Variants in CGGBP1 observed in about 807,000 individuals in gnomAD.
CGGBP1 encodes the protein CGG triplet repeat binding protein 1.
CGGBP1 carries 4 observed loss-of-function variants against 11.4 expected under a neutral mutation model. The ratio of observed to expected loss-of-function variants is 0.35; its 90% CI spans 0.17 to 0.80. CGGBP1 has a LOEUF of 0.80. Among genes scored for constraint, CGGBP1 ranks in the 30% least tolerant of loss-of-function variants. The pLI is 0.52. For missense variants in CGGBP1, 135 were observed against 202.1 expected (o/e 0.67, Z 2.01); for synonymous variants, 76 against 74.1 (o/e 1.03, Z -0.13).
rs1706518123 is a variant in CGGBP1 at position 88,055,383 on chromosome 3, A to C, written c.*90T>G. ...AACTATTCTGCGTCACATGATTTTA[A>C]ATGAAATAAATACAAAAATGAACCA... On this transcript the variant is annotated 3_prime_UTR_variant, in exon 4 of 4. Transcript: ENST00000482016. The surrounding 1 kb of genome is among the most constrained non-coding windows in gnomAD (Gnocchi z 4.2). 7.9e-7 allele frequency: 1 copy of C among 1,265,174 alleles called. No homozygotes were observed. Among genetic ancestry groups the C allele is most frequent in the East Asian group, 2.4e-5 (1 of 42,214 alleles). The allele number at this position is 1,265,174 out of a possible 1,614,324, so 78.4% of individuals were successfully genotyped here. A position where few individuals can be genotyped will look rare whatever the true frequency, so the allele number is the denominator to read the frequency against.
At chr3:88,127,704 G>A (rs1460373734) in intron 2 of CGGBP1, among the ~76,000 whole-genome samples, 2 of 152,128 alleles carry the variant, frequency 1.3e-5, no homozygotes, top group Non-Finnish European at 2.9e-5. Flanking sequence ...CCTGTTGTTC[G>A]TTCGTCTGAG....
intron 2 of CGGBP1, among the ~76,000 whole-genome samples, chr3:88,064,109 C>CTTTTTTTTTTT (rs34753092): frequency 6.8e-6 from 1 of 147,904 alleles, no homozygotes. Flanking sequence ...CGAGCTTCTT[C>CTTTTTTTTTTT]TTTTTTTTTT....
chr3:88,086,963 T>C (rs766681717), intron 2 of CGGBP1, among the ~76,000 whole-genome samples: 9 of 152,136 alleles, frequency 5.9e-5, no homozygotes, highest in Non-Finnish European at 1.3e-4. Context: ...TTTGTATTTT[T>C]AGTAGAGATG....
chr3:88,078,016 C>G (rs1707904058), intron 2 of CGGBP1, among the ~76,000 whole-genome samples: 1 of 152,026 alleles, frequency 6.6e-6, no homozygotes. Flanking sequence ...TGTGAAATTT[C>G]TTTGTATTTA....
At chr3:88,149,843 A>G in exon 1 of CGGBP1, 4 of 592,882 alleles carry the variant, frequency 6.7e-6, no homozygotes, top group Non-Finnish European at 1.2e-5. Flanking sequence ...GTGGGACTTC[A>G]CTCCGTCCCC....
At chr3:88,073,888 A>G (rs1707650264) in intron 2 of CGGBP1, among the ~76,000 whole-genome samples, 1 of 152,226 alleles carries the variant, frequency 6.6e-6, no homozygotes, top group Non-Finnish European at 1.5e-5. Context: ...TAAAACTCAT[A>G]ATTTATTTTC....
At chr3:88,133,578 C>G (rs1313919923) in intron 2 of CGGBP1, among the ~76,000 whole-genome samples, 1 of 147,832 alleles carries the variant, frequency 6.8e-6, no homozygotes, top group Non-Finnish European at 1.5e-5. Flanking sequence ...GAATGAAGTA[C>G]TTTCCAAATA....
At chr3:88,112,198 CTT>C (rs1226109890) in intron 2 of CGGBP1, among the ~76,000 whole-genome samples, 1 of 151,344 alleles carries the variant, frequency 6.6e-6, no homozygotes, top group Non-Finnish European at 1.5e-5. Flanking sequence ...ATATTTAGGT[CTT>C]ATATAATTTT....
In CGGBP1 at chr3:88,055,353, T is replaced by C; in HGVS notation, c.*120A>G. ...TTTTTGCCTGCAACTATATACACAT[T>C]GCAAAACTATTCTGCGTCACATGAT... On this transcript the variant is annotated 3_prime_UTR_variant, in exon 4 of 4. Coordinates refer to ENST00000482016, the MANE Select transcript of CGGBP1 (RefSeq NM_001008390.2). The surrounding 1 kb of genome is among the most constrained non-coding windows in gnomAD (Gnocchi z 4.2). 2 of 1,043,186 alleles carry C rather than the reference T, an allele frequency of 1.9e-6. No individual in the cohort carries two copies. Among genetic ancestry groups the C allele is most frequent in the Non-Finnish European group, 2.7e-6 (2 of 740,760 alleles). 64.6% of individuals were successfully genotyped at this position (1,043,186 alleles called of 1,614,324 possible). A position where few individuals can be genotyped will look rare whatever the true frequency, so the allele number is the denominator to read the frequency against.
intron 1 of CGGBP1, among the ~76,000 whole-genome samples, chr3:88,149,151 T>C (rs968941870): frequency 2.0e-5 from 3 of 152,186 alleles, no homozygotes; most frequent in Non-Finnish European, 4.4e-5. Flanking sequence ...ACCATGCCAA[T>C]AGTAATAACA....
chr3:88,125,373 C>T (rs1268448104), intron 2 of CGGBP1, among the ~76,000 whole-genome samples: 2 of 152,028 alleles, frequency 1.3e-5, no homozygotes, highest in African/African-American at 2.4e-5. Flanking sequence ...AAACTTGTTA[C>T]AAATTTCATG....
chr3:88,113,229 T>A, intron 2 of CGGBP1: 1 of 1,383,632 alleles, frequency 7.2e-7, no homozygotes, highest in Non-Finnish European at 9.9e-7. Context: ...ACACTTTGTC[T>A]ACACTTAAAA....
intron 2 of CGGBP1, among the ~76,000 whole-genome samples, chr3:88,077,184 AGGG>A (rs1434906038): frequency 2.0e-5 from 3 of 152,158 alleles, no homozygotes; most frequent in African/African-American, 7.2e-5. Context: ...GAATCAGAAT[AGGG>A]GAGGAGGATT....
intron 2 of CGGBP1, 21 bp from the exon 3 acceptor site, chr3:88,057,313 T>G (rs1374844970): frequency 6.8e-6 from 1 of 147,802 alleles, no homozygotes; most frequent in Non-Finnish European, 1.5e-5. Context: ...CGATAAAGTC[T>G]AGGTTTTAAT....
At chr3:88,142,296 C>CA (rs77096741) in intron 1 of CGGBP1, 93 of 151,118 alleles carry the variant, frequency 6.2e-4, no homozygotes, top group African/African-American at 2.0e-3. Context: ...AAAAACAAAA[C>CA]AAAAAAAACC....
upstream of CGGBP1, among the ~76,000 whole-genome samples, chr3:88,063,182 TC>T (rs1437272880): frequency 6.6e-6 from 1 of 152,128 alleles, no homozygotes; most frequent in Admixed American, 6.5e-5. Flanking sequence ...CTACTGAACA[TC>T]CTGCAGTGCA....
intron 1 of CGGBP1, among the ~76,000 whole-genome samples, chr3:88,148,728 C>G (rs1707353401): frequency 1.3e-5 from 2 of 152,278 alleles, no homozygotes; most frequent in African/African-American, 4.8e-5. Context: ...ATAACCTCTG[C>G]CTCCAGAGTT....
intron 2 of CGGBP1, among the ~76,000 whole-genome samples, chr3:88,085,469 G>A (rs376631250): frequency 3.9e-5 from 6 of 151,948 alleles, no homozygotes; most frequent in African/African-American, 1.5e-4. Context: ...CTTTTACCTC[G>A]TGGATGTACA....
Position 88,103,157 on chromosome 3 carries a change from T to A in CGGBP1, c.-229+37813A>T, listed in dbSNP as rs115772772. Among the ~76,000 whole-genome samples the A allele has an allele frequency of 2.6e-3, 401 of 152,224 alleles. 1 individual carries two copies. The highest frequency in any genetic ancestry group is 9.4e-3 in the African/African-American group (390 of 41,538). On this transcript the variant is annotated intron_variant, in intron 2 of 3. Coordinates refer to the CGGBP1 transcript ENST00000462901. ...AGCCCAGCTTTCAAAAACCAGAAATTACAGACACATTTTTTTTTAAAAAAG... is the reference window on the plus strand; with the variant it reads ...AGCCCAGCTTTCAAAAACCAGAAATAACAGACACATTTTTTTTTAAAAAAG...
Sources: gnomAD v4.1 joint callset for allele counts (sites outside exome capture counted in the v4.1 genomes callset) on GRCh38, gnomAD v4.1.1 for gene constraint, Gnocchi (gnomAD v3.1) non-coding constraint, MANE v1.5 for transcripts, NCBI Gene and HGNC (gene_info 2026-07-23, HGNC 2026-07-21) for gene names.